Variants in RIMS2 observed in about 807,000 individuals in gnomAD.
The protein encoded by RIMS2 is regulating synaptic membrane exocytosis protein 2.
In RIMS2, 59 loss-of-function variants were observed where a neutral mutation model predicts 174.4. That is an observed-to-expected ratio of 0.34 (90% confidence interval 0.27 to 0.42). The LOEUF is 0.42. RIMS2 is among the 10% of genes least tolerant of loss of function. The pLI, the probability that RIMS2 is intolerant of heterozygous loss-of-function variation, is 1.00. For missense variants in RIMS2, 1,620 were observed against 1,666.3 expected (o/e 0.97, Z 0.48); for synonymous variants, 606 against 572.5 (o/e 1.06, Z -0.84).
chr8:103,500,990 A>T (rs746125329), exon 1 of RIMS2: 17 of 1,611,418 alleles, frequency 1.1e-5, no homozygotes, highest in Non-Finnish European at 1.7e-6. Context: ...CTCACGGAGG[A>T]GGAGAGGAAA....
At chr8:104,183,575 G>A (rs986378257) in intron 19 of RIMS2, among the ~76,000 whole-genome samples, 2 of 151,432 alleles carry the variant, frequency 1.3e-5, no homozygotes, top group African/African-American at 4.8e-5. Context: ...GGGAAAATGA[G>A]CATTATTTTG....
chr8:103,891,982 C>T (rs1594673857), intron 4 of RIMS2, among the ~76,000 whole-genome samples: 1 of 151,960 alleles, frequency 6.6e-6, no homozygotes. Context: ...TACTGACTTA[C>T]ATAATCTCAT....
At chr8:103,873,199 A>C (rs1006569001) in intron 3 of RIMS2, among the ~76,000 whole-genome samples, 1 of 152,048 alleles carries the variant, frequency 6.6e-6, no homozygotes, top group Non-Finnish European at 1.5e-5. Flanking sequence ...TCCCTCTTCT[A>C]TTCTGCCCCT....
At chr8:104,249,298 T>A (rs2099351355) in intron 21 of RIMS2, among the ~76,000 whole-genome samples, 189 bp from the exon 28 acceptor site, 1 of 152,144 alleles carries the variant, frequency 6.6e-6, no homozygotes, top group African/African-American at 2.4e-5. Flanking sequence ...TAAAAAATAT[T>A]TAACCATTAT....
intron 19 of RIMS2, among the ~76,000 whole-genome samples, chr8:104,091,029 C>T (rs1322686522): frequency 3.3e-5 from 5 of 151,680 alleles, no homozygotes; most frequent in Non-Finnish European, 5.9e-5. Flanking sequence ...GTGCTAAGTG[C>T]TTTACACGCG....
At chr8:104,043,437 G>A (rs1427406765) in intron 19 of RIMS2, among the ~76,000 whole-genome samples, 1 of 151,538 alleles carries the variant, frequency 6.6e-6, no homozygotes, top group Admixed American at 6.6e-5. Context: ...GATCACAGTT[G>A]GAACTTTGTG....
intron 3 of RIMS2, among the ~76,000 whole-genome samples, chr8:103,851,640 T>C (rs2098998466): frequency 1.7e-5 from 2 of 118,636 alleles, no homozygotes; most frequent in African/African-American, 6.9e-5. Context: ...ATAGGAATGC[T>C]ATGTACACAC....
chr8:104,005,628 C>A (rs941822370), intron 17 of RIMS2, among the ~76,000 whole-genome samples: 1 of 152,052 alleles, frequency 6.6e-6, no homozygotes, highest in African/African-American at 2.4e-5. Context: ...TGGGGATAGC[C>A]TTTTACTTGA....
rs1361548357 is a variant in RIMS2 at position 104,245,062 on chromosome 8, G to A, written c.3476+5G>A. 3 of 1,613,390 alleles carry A rather than the reference G, an allele frequency of 1.9e-6. No individual in the cohort carries two copies. Among genetic ancestry groups the A allele is most frequent in the Non-Finnish European group, 2.5e-6 (3 of 1,179,590 alleles). On this transcript the variant is annotated splice_donor_5th_base_variant and intron_variant, in intron 20 of 23. Coordinates refer to ENST00000504942, the Ensembl canonical transcript of RIMS2. The stretch of plus-strand genomic sequence containing the variant: ...CAGCTACAGCTCAGAAGGAAAGTGA[G>A]TGAGGCTGCATGTGATGTGTGTCTC...
intron 19 of RIMS2, among the ~76,000 whole-genome samples, chr8:104,054,906 G>A (rs2096843802): frequency 1.3e-5 from 2 of 152,070 alleles, no homozygotes; most frequent in African/African-American, 4.8e-5. Context: ...TTGAAAATAT[G>A]AAGTGATATA....
intron 1 of RIMS2, among the ~76,000 whole-genome samples, chr8:103,616,916 A>G (rs890299982): frequency 2.6e-5 from 4 of 152,348 alleles, no homozygotes; most frequent in Non-Finnish European, 4.4e-5. Flanking sequence ...ATGGATAGGA[A>G]GAATCGGTAT....
At chr8:103,694,072 G>A (rs2097066815) in intron 1 of RIMS2, among the ~76,000 whole-genome samples, 1 of 152,144 alleles carries the variant, frequency 6.6e-6, no homozygotes, top group Non-Finnish European at 1.5e-5. Flanking sequence ...ATGTGGTTTG[G>A]CTTGGCACTG....
At chr8:103,636,803 C>CCCCCCG (rs1322508776) in intron 1 of RIMS2, among the ~76,000 whole-genome samples, 1 of 74,178 alleles carries the variant, frequency 1.3e-5, no homozygotes, top group East Asian at 3.4e-4. Flanking sequence ...CCCCCCCCCA[C>CCCCCCG]ACACACACAC....
intron 1 of RIMS2, among the ~76,000 whole-genome samples, chr8:103,692,195 C>T (rs759836632): frequency 7.9e-5 from 12 of 152,176 alleles, no homozygotes; most frequent in Non-Finnish European, 1.5e-4. Flanking sequence ...AAGCTCACAG[C>T]AACCACTGCC....
intron 1 of RIMS2, among the ~76,000 whole-genome samples, chr8:103,635,218 A>G (rs969407599): frequency 1.3e-5 from 2 of 152,058 alleles, no homozygotes; most frequent in Non-Finnish European, 1.5e-5. Flanking sequence ...TTTCTTTTCT[A>G]TATTAGTGCT....
At chr8:103,636,780 A>AC (rs1564110891) in intron 1 of RIMS2, among the ~76,000 whole-genome samples, 18 of 56,448 alleles carry the variant, frequency 3.2e-4, no homozygotes, top group East Asian at 5.3e-4. Context: ...TCTATAACCC[A>AC]CCCCCGCACC....
chr8:103,547,648 A>T (rs1297217378), intron 1 of RIMS2, among the ~76,000 whole-genome samples: 1 of 152,216 alleles, frequency 6.6e-6, no homozygotes, highest in Admixed American at 6.5e-5. Flanking sequence ...AAGACAAAAA[A>T]TAACCAAAAT....
intron 2 of RIMS2, among the ~76,000 whole-genome samples, chr8:103,731,698 C>T (rs1167784622): frequency 6.6e-6 from 1 of 152,082 alleles, no homozygotes; most frequent in Non-Finnish European, 1.5e-5. Context: ...CTCACTAATT[C>T]TTTCTTCTCC....
intron 3 of RIMS2, among the ~76,000 whole-genome samples, chr8:103,882,912 A>G (rs191164236): frequency 9.7e-4 from 147 of 151,802 alleles, no homozygotes; most frequent in African/African-American, 3.5e-3. Flanking sequence ...TCCTTAAGAT[A>G]GGAATGAAAT....
Sources: allele counts gnomAD v4.1 joint callset (sites outside exome capture counted in the v4.1 genomes callset), GRCh38; gene constraint gnomAD v4.1.1; transcripts MANE v1.5; gene names NCBI Gene and HGNC (gene_info 2026-07-23, HGNC 2026-07-21).